The following BLTP3A variants were observed in gnomAD, a reference collection of about 807,000 sequenced individuals.
The protein encoded by BLTP3A is bridge-like lipid transfer protein family member 3A.
At chr6:34,859,309 G>A in the BLTP3A span, 3,007 of 1,613,836 alleles carry the variant, frequency 1.9e-3, 6 homozygotes, top group Non-Finnish European at 1.9e-3. Context: ...CAGAACCCAA[G>A]CCTCCAGCTC....
At chr6:34,864,693 C>T in the BLTP3A span, among the ~76,000 whole-genome samples, 2 of 152,044 alleles carry the variant, frequency 1.3e-5, no homozygotes, top group African/African-American at 4.8e-5. Context: ...CTAGGCTGGG[C>T]ACAGTGGCTG....
the BLTP3A span, among the ~76,000 whole-genome samples, chr6:34,850,840 G>C: frequency 6.6e-6 from 1 of 152,036 alleles, no homozygotes; most frequent in Non-Finnish European, 1.5e-5. Flanking sequence ...AGGACTACAG[G>C]CATGCACCAC....
At chr6:34,836,223 G>A in the BLTP3A span, 2,131 of 1,614,208 alleles carry the variant, frequency 1.3e-3, 5 homozygotes, top group Non-Finnish European at 1.5e-3. Flanking sequence ...CAGGGCAACA[G>A]CAACAGCAGC....
chr6:34,792,189 C>T, the BLTP3A span: 4 of 1,482,064 alleles, frequency 2.7e-6, no homozygotes, highest in Non-Finnish European at 3.6e-6. Context: ...CGCCTCTTCT[C>T]CACAACTGAG....
At chr6:34,872,538 G>A in the BLTP3A span, 22 of 1,405,488 alleles carry the variant, frequency 1.6e-5, no homozygotes, top group African/African-American at 1.4e-4. Flanking sequence ...AAGTCACTAC[G>A]GATGCCAGAG....
At chr6:34,819,951 A>G in the BLTP3A span, among the ~76,000 whole-genome samples, 1 of 152,194 alleles carries the variant, frequency 6.6e-6, no homozygotes, top group Non-Finnish European at 1.5e-5. Context: ...ATTTCCTTCA[A>G]ATTAGCAACT....
At chr6:34,820,932 G>A in the BLTP3A span, among the ~76,000 whole-genome samples, 24 of 147,742 alleles carry the variant, frequency 1.6e-4, 2 homozygotes, top group East Asian at 4.7e-3. Flanking sequence ...GATTATAGGC[G>A]TGAGCCACCA....
At chr6:34,808,346 C>CAAAAAAAAAAAAAA in the BLTP3A span, among the ~76,000 whole-genome samples, 16 of 26,704 alleles carry the variant, frequency 6.0e-4, no homozygotes, top group South Asian at 2.0e-3. Context: ...AACTCCGTCT[C>CAAAAAAAAAAAAAA]AAAAAAAAAA....
the BLTP3A span, among the ~76,000 whole-genome samples, chr6:34,857,103 T>C: frequency 6.6e-6 from 1 of 152,212 alleles, no homozygotes; most frequent in African/African-American, 2.4e-5. Context: ...GACTTGGGAA[T>C]TCCCCCAGTT....
At chr6:34,829,077 C>T in the BLTP3A span, among the ~76,000 whole-genome samples, 5 of 148,790 alleles carry the variant, frequency 3.4e-5, no homozygotes, top group Non-Finnish European at 5.9e-5. Context: ...GAAGCCAAGC[C>T]AGCATAATTT....
At chr6:34,864,325 C>CA in the BLTP3A span, 3 of 1,005,308 alleles carry the variant, frequency 3.0e-6, no homozygotes, top group African/African-American at 1.6e-5. Context: ...TTAATCAAGA[C>CA]AAAAAAAGAG....
At chr6:34,871,951 G>T in the BLTP3A span, 157 of 1,605,380 alleles carry the variant, frequency 9.8e-5, no homozygotes, top group Non-Finnish European at 1.3e-4. Context: ...AACAGTAGCT[G>T]CCCATAACCC....
the BLTP3A span, among the ~76,000 whole-genome samples, chr6:34,813,556 G>T: frequency 6.6e-6 from 1 of 152,194 alleles, no homozygotes; most frequent in Non-Finnish European, 1.5e-5. Context: ...AACAGTAACA[G>T]ATGGCCAGAA....
At chr6:34,792,724 C>T in the BLTP3A span, among the ~76,000 whole-genome samples, 1 of 152,212 alleles carries the variant, frequency 6.6e-6, no homozygotes, top group Non-Finnish European at 1.5e-5. Flanking sequence ...CTCTGGCCTT[C>T]GGGCCCCTGC....
At chr6:34,795,751 C>G in the BLTP3A span, among the ~76,000 whole-genome samples, 1 of 152,080 alleles carries the variant, frequency 6.6e-6, no homozygotes, top group African/African-American at 2.4e-5. Context: ...CTTACACATT[C>G]CTTGGCGAAC....
the BLTP3A span, among the ~76,000 whole-genome samples, chr6:34,799,151 G>T: frequency 1.3e-5 from 2 of 151,802 alleles, no homozygotes; most frequent in Admixed American, 1.3e-4. Context: ...CATGTTGGCC[G>T]GGCTGGTCTT....
the BLTP3A span, chr6:34,871,942 A>C: frequency 3.3e-5 from 53 of 1,610,390 alleles, no homozygotes; most frequent in South Asian, 5.0e-4. Context: ...ACCTAACAGA[A>C]CAGTAGCTGC....
chr6:34,860,007 G>T, the BLTP3A span, among the ~76,000 whole-genome samples: 1 of 151,956 alleles, frequency 6.6e-6, no homozygotes, highest in Admixed American at 6.6e-5. Context: ...TTTTTTGTTT[G>T]ATTTGATCCC....
At chr6:34,820,872 G>A in the BLTP3A span, among the ~76,000 whole-genome samples, 1 of 134,282 alleles carries the variant, frequency 7.4e-6, no homozygotes, top group African/African-American at 3.0e-5. Context: ...GGCTTGTCTC[G>A]ATCTCCTAGG....
Sources: gnomAD v4.1 joint callset for allele counts (sites outside exome capture counted in the v4.1 genomes callset) on GRCh38, gnomAD v4.1.1 for gene constraint, MANE v1.5 for transcripts, NCBI Gene and HGNC (gene_info 2026-07-23, HGNC 2026-07-21) for gene names.